PLA2G10: variants seen among roughly 807,000 people sequenced by gnomAD.
The protein encoded by PLA2G10 is group 10 secretory phospholipase A2.
PLA2G10 carries 9 observed loss-of-function variants against 7.9 expected under a neutral mutation model. That is an observed-to-expected ratio of 1.14 (90% confidence interval 0.68 to 1.98). The LOEUF (loss-of-function observed/expected upper bound fraction) is 1.98. Ranked by LOEUF, PLA2G10 falls within the 30% of genes most tolerant of loss-of-function variation. The pLI, the probability that PLA2G10 is intolerant of heterozygous loss-of-function variation, is 0.00. For synonymous variants in PLA2G10, 19 were observed against 27.5 expected, an observed-to-expected ratio of 0.69 and a Z score of 0.97; for missense variants, 53 against 65.4, an observed-to-expected ratio of 0.81 and a Z score of 0.66.
chr16:14,686,774 C>T (rs1160405742), intron 3 of PLA2G10, among the ~76,000 whole-genome samples: 3 of 151,752 alleles, frequency 2.0e-5, no homozygotes, highest in African/African-American at 4.8e-5. Context: ...GAACTATAGG[C>T]GTGAGCCACA....
chr16:14,673,213 G>A (rs755407655), intron 3 of PLA2G10, among the ~76,000 whole-genome samples: 4 of 151,492 alleles, frequency 2.6e-5, no homozygotes, highest in Admixed American at 6.6e-5. Flanking sequence ...AGTGGAGACA[G>A]GGTTTCGTCG....
chr16:14,674,260 C>G (rs1960666921), intron 3 of PLA2G10, among the ~76,000 whole-genome samples: 1 of 152,138 alleles, frequency 6.6e-6, no homozygotes, highest in South Asian at 2.1e-4. Flanking sequence ...GGAAATACAT[C>G]CCATGCTCAT....
intron 3 of PLA2G10, among the ~76,000 whole-genome samples, chr16:14,684,613 C>A (rs1960999518): frequency 6.6e-6 from 1 of 152,088 alleles, no homozygotes; most frequent in African/African-American, 2.4e-5. Flanking sequence ...TTGTAGTGAG[C>A]CACGATCGTG....
intron 3 of PLA2G10, among the ~76,000 whole-genome samples, chr16:14,676,654 G>C (rs1268973489): frequency 6.6e-6 from 1 of 152,152 alleles, no homozygotes; most frequent in African/African-American, 2.4e-5. Context: ...ACTCCAACCT[G>C]GGTGACAGAA....
At chr16:14,685,391 G>T (rs1002930721) in intron 3 of PLA2G10, among the ~76,000 whole-genome samples, 1 of 148,878 alleles carries the variant, frequency 6.7e-6, no homozygotes, top group Non-Finnish European at 1.5e-5. Flanking sequence ...AAAAAAGAAA[G>T]AAAATGAGCA....
chr16:14,682,601 A>T (rs1960923439), intron 3 of PLA2G10, among the ~76,000 whole-genome samples: 1 of 152,102 alleles, frequency 6.6e-6, no homozygotes, highest in Non-Finnish European at 1.5e-5. Context: ...ATAAAAACAT[A>T]CTTCTAATAA....
At chr16:14,676,372 C>G (rs1350728394) in intron 3 of PLA2G10, among the ~76,000 whole-genome samples, 1 of 152,194 alleles carries the variant, frequency 6.6e-6, no homozygotes, top group Non-Finnish European at 1.5e-5. Context: ...TGCCCATCAA[C>G]CAATGAGCAG....
chr16:14,687,482 A>C (rs1005950963), intron 3 of PLA2G10, among the ~76,000 whole-genome samples: 1 of 151,892 alleles, frequency 6.6e-6, no homozygotes, highest in Admixed American at 6.6e-5. Context: ...GATGTGTGCC[A>C]CCACGCCTGG....
chr16:14,678,568 G>A (rs1960790748), intron 3 of PLA2G10: 1 of 238,436 alleles, frequency 4.2e-6, no homozygotes, highest in Non-Finnish European at 8.6e-6. Context: ...CAGAAATTTT[G>A]AGACCAGCCT....
At chr16:14,681,555 C>T (rs887723722) in intron 3 of PLA2G10, among the ~76,000 whole-genome samples, 2 of 151,964 alleles carry the variant, frequency 1.3e-5, no homozygotes, top group African/African-American at 4.8e-5. Flanking sequence ...GGAAGAATAG[C>T]TCCCGAGGCT....
intron 3 of PLA2G10, among the ~76,000 whole-genome samples, chr16:14,678,346 C>T (rs1023429883): frequency 6.6e-6 from 1 of 152,216 alleles, no homozygotes; most frequent in African/African-American, 2.4e-5. Flanking sequence ...CTTCCACCAT[C>T]TTCACTGCCA....
chr16:14,672,597 G>A lies in PLA2G10; in HGVS notation c.*10C>T, dbSNP rs1243837026. 3 of 1,613,508 alleles carry A rather than the reference G, an allele frequency of 1.9e-6. No homozygotes were observed. Among genetic ancestry groups the A allele is most frequent in the Non-Finnish European group, 2.5e-6 (3 of 1,179,578 alleles). The stretch of plus-strand genomic sequence containing the variant: ...TTCCTTGTGCAAAAGAGCATTTCAA[G>A]TCAAGGTAGTCAGTCACACTTGGGC... On this transcript the variant is annotated 3_prime_UTR_variant, in exon 4 of 4. Coordinates refer to ENST00000438167, the MANE Select transcript of PLA2G10 (RefSeq NM_003561.3).
chr16:14,683,582 C>T (rs955750072), intron 3 of PLA2G10, among the ~76,000 whole-genome samples: 1 of 152,030 alleles, frequency 6.6e-6, no homozygotes, highest in Non-Finnish European at 1.5e-5. Flanking sequence ...GGAAGAGTCT[C>T]TTCAACCAAG....
intron 3 of PLA2G10, among the ~76,000 whole-genome samples, chr16:14,687,524 T>G (rs1377103856): frequency 1.3e-5 from 2 of 151,982 alleles, no homozygotes; most frequent in East Asian, 3.9e-4. Flanking sequence ...AACTTTTTTG[T>G]AGAGATGCAC....
At chr16:14,674,628 G>T (rs1220509174) in intron 3 of PLA2G10, among the ~76,000 whole-genome samples, 1 of 152,004 alleles carries the variant, frequency 6.6e-6, no homozygotes, top group African/African-American at 2.4e-5. Flanking sequence ...TTAAACCTGG[G>T]GGGCAGAGGT....
intron 3 of PLA2G10, among the ~76,000 whole-genome samples, chr16:14,682,612 C>T (rs932597474): frequency 4.6e-5 from 7 of 152,062 alleles, no homozygotes; most frequent in African/African-American, 9.7e-5. Context: ...CTTCTAATAA[C>T]GCTTACAATA....
At chr16:14,674,371 A>G (rs1960669970) in intron 3 of PLA2G10, among the ~76,000 whole-genome samples, 1 of 152,202 alleles carries the variant, frequency 6.6e-6, no homozygotes. Flanking sequence ...TTTTCACATA[A>G]TTAGAAGAAA....
chr16:14,685,140 G>A (rs1342760825), intron 3 of PLA2G10, among the ~76,000 whole-genome samples: 1 of 152,136 alleles, frequency 6.6e-6, no homozygotes, highest in Non-Finnish European at 1.5e-5. Flanking sequence ...GGGAGGCTGA[G>A]GCAGGCAGAT....
intron 3 of PLA2G10, among the ~76,000 whole-genome samples, chr16:14,679,394 G>A (rs566506464): frequency 6.6e-6 from 1 of 152,092 alleles, no homozygotes; most frequent in South Asian, 2.1e-4. Context: ...CGGGCGTGGT[G>A]CTCGTGCCTG....
Sources: gnomAD v4.1 joint callset for allele counts (sites outside exome capture counted in the v4.1 genomes callset) on GRCh38, gnomAD v4.1.1 for gene constraint, MANE v1.5 for transcripts, NCBI Gene and HGNC (gene_info 2026-07-23, HGNC 2026-07-21) for gene names.